Variants in COL24A1 observed in about 807,000 individuals in gnomAD.
COL24A1 encodes the protein collagen type XXIV alpha 1 chain, also known as collagen alpha-1(XXIV) chain.
A neutral mutation model predicts 253.9 loss-of-function variants in COL24A1; 224 were observed. The ratio of observed to expected loss-of-function variants is 0.88; its 90% CI spans 0.79 to 0.99. The LOEUF (loss-of-function observed/expected upper bound fraction) is 0.99, where lower values mean the gene tolerates loss of function less well. COL24A1 is among the 50% of genes least tolerant of loss of function. The pLI is 0.00. For missense variants in COL24A1, 2,131 were observed against 2,068.5 expected, an observed-to-expected ratio of 1.03 and a Z score of -0.59; for synonymous variants, 685 against 673.7, an observed-to-expected ratio of 1.02 and a Z score of -0.26.
intron 19 of COL24A1, among the ~76,000 whole-genome samples, chr1:86,002,930 A>C (rs1446509941): frequency 6.6e-6 from 1 of 152,180 alleles, no homozygotes; most frequent in Non-Finnish European, 1.5e-5. Flanking sequence ...ACCAGGTGAC[A>C]CTGTAGGCTG....
rs145026944 is a variant in COL24A1, at chr1:85,961,113, A to G, written c.2562+136T>C. On this transcript the variant is annotated intron_variant, in intron 24 of 59. Transcript: ENST00000370571. Reference sequence around the variant, plus strand: ...TTTATTTGCCAGCAGAAACATCACAAGTAAGTTTAAATTTGTAGTGGATAA... The same window carrying G: ...TTTATTTGCCAGCAGAAACATCACAGGTAAGTTTAAATTTGTAGTGGATAA... The G allele has an allele frequency of 4.6e-3, 3,141 of 681,392 alleles. 183 individuals are homozygous for G. The Admixed American group carries it at 0.086, about 19-fold the overall frequency. 42.2% of individuals were successfully genotyped at this position (681,392 alleles called of 1,614,324 possible).
chr1:85,795,493 A>G (rs556357001), intron 47 of COL24A1, among the ~76,000 whole-genome samples: 2 of 152,270 alleles, frequency 1.3e-5, no homozygotes, highest in Non-Finnish European at 2.9e-5. Flanking sequence ...AAATAGCTAA[A>G]AATATTATAT....
chr1:85,784,220 T>C (rs41289767), intron 49 of COL24A1, 39 bp downstream of exon 49: 104,444 of 1,610,724 alleles, frequency 0.065, 3,899 homozygotes, highest in Middle Eastern at 0.11. Flanking sequence ...GCCTGCTCTG[T>C]AGAATAAATG....
At chr1:86,097,819 C>T (rs1704125769) in intron 5 of COL24A1, among the ~76,000 whole-genome samples, 1 of 151,896 alleles carries the variant, frequency 6.6e-6, no homozygotes, top group South Asian at 2.1e-4. Flanking sequence ...ACACTGATGA[C>T]TGTAAACTGT....
chr1:85,957,713 C>T (rs1283236385), intron 24 of COL24A1, among the ~76,000 whole-genome samples: 1 of 152,130 alleles, frequency 6.6e-6, no homozygotes, highest in Admixed American at 6.5e-5. Context: ...CAGAAGCATC[C>T]TCATTGGTTA....
At chr1:86,047,186 C>T (rs373852163) in intron 11 of COL24A1, among the ~76,000 whole-genome samples, 5 of 152,162 alleles carry the variant, frequency 3.3e-5, no homozygotes, top group Non-Finnish European at 5.9e-5. Flanking sequence ...TAGATGAACA[C>T]GAAGGTCTTA....
At chr1:85,907,167 A>G (rs1420403672) in intron 28 of COL24A1, 27 bp downstream of exon 28, 1 of 1,592,370 alleles carries the variant, frequency 6.3e-7, no homozygotes, top group East Asian at 2.2e-5. Context: ...GGGGGGGTTA[A>G]TGTACTTTTT....
Position 85,968,633 on chromosome 1 carries a change from A to AT in COL24A1, c.2463+1593dup, listed in dbSNP as rs561383145. ...TATAGTTAAGAACCTGAATTATTAG[A>AT]TTTTTTCTATGATATTTATAAAACC... On this transcript the variant is annotated intron_variant, in intron 22 of 59. Coordinates refer to ENST00000370571, the MANE Select transcript of COL24A1 (RefSeq NM_152890.7). 2.2e-3 allele frequency among the ~76,000 whole-genome samples: 330 copies of AT among 152,210 alleles called. 3 individuals carry two copies. Among genetic ancestry groups the AT allele is most frequent in the African/African-American group, 7.6e-3 (316 of 41,546 alleles).
chr1:85,863,748 G>C (rs1679443868), intron 37 of COL24A1, among the ~76,000 whole-genome samples: 1 of 152,152 alleles, frequency 6.6e-6, no homozygotes, highest in Non-Finnish European at 1.5e-5. Context: ...AAAGTGAACA[G>C]ACACTTCTCA....
intron 7 of COL24A1, among the ~76,000 whole-genome samples, chr1:86,079,015 G>A (rs1702445002): frequency 6.6e-6 from 1 of 152,004 alleles, no homozygotes; most frequent in African/African-American, 2.4e-5. Context: ...TAAGCAAAGA[G>A]AACAAAACTA....
intron 32 of COL24A1, among the ~76,000 whole-genome samples, chr1:85,887,602 T>C (rs1682661773): frequency 6.6e-6 from 1 of 152,162 alleles, no homozygotes; most frequent in African/African-American, 2.4e-5. Context: ...GGAATCGTTG[T>C]GGCTGTGTTT....
rs80157850 is a variant in COL24A1 at position 85,795,933 on chromosome 1, T to A, written c.3952-9472A>T. ...CGTTTTATTTGGTTTACTAAATATA[T>A]CCCTTCCTGCAAAGGATTGGTGTTT... is the stretch of plus-strand genomic sequence containing the variant. On this transcript the variant is annotated intron_variant, in intron 47 of 59. Transcript: ENST00000370571. Among the ~76,000 whole-genome samples, 424 of 152,280 alleles carry A rather than the reference T, an allele frequency of 2.8e-3. 3 individuals are homozygous for A. Among genetic ancestry groups the A allele is most frequent in the African/African-American group, 9.9e-3 (411 of 41,576 alleles).
intron 3 of COL24A1, among the ~76,000 whole-genome samples, chr1:86,120,364 ATGGGGG>A (rs1706619487): frequency 6.6e-6 from 1 of 152,152 alleles, no homozygotes; most frequent in South Asian, 2.1e-4. Flanking sequence ...AACCTACAGA[ATGGGGG>A]AAAATTTTTG....
intron 20 of COL24A1, among the ~76,000 whole-genome samples, chr1:85,976,462 C>T (rs1481538804): frequency 6.6e-6 from 1 of 152,122 alleles, no homozygotes; most frequent in East Asian, 1.9e-4. Flanking sequence ...CCCCCTCCCC[C>T]ACAGGAGTGT....
At chr1:86,075,060 T>C (rs146550870) in intron 7 of COL24A1, among the ~76,000 whole-genome samples, 1 of 149,536 alleles carries the variant, frequency 6.7e-6, no homozygotes, top group Non-Finnish European at 1.5e-5. Context: ...CTGAAGGAGA[T>C]AGAGACACGA....
chr1:85,864,100 C>A (rs764561245), intron 37 of COL24A1, among the ~76,000 whole-genome samples: 2 of 152,070 alleles, frequency 1.3e-5, no homozygotes, highest in African/African-American at 4.8e-5. Flanking sequence ...CACATGCACA[C>A]GTGGGTTTAT....
intron 24 of COL24A1, among the ~76,000 whole-genome samples, chr1:85,955,086 C>A (rs1690303317): frequency 6.6e-6 from 1 of 152,164 alleles, no homozygotes; most frequent in Admixed American, 6.5e-5. Context: ...TCCTGTGCCG[C>A]TATAAGCCGG....
intron 28 of COL24A1, among the ~76,000 whole-genome samples, chr1:85,901,824 C>CAAAAAAAAAAAAAAAAAAAAAAA (rs55862441): frequency 1.7e-5 from 1 of 57,786 alleles, no homozygotes; most frequent in Non-Finnish European, 2.9e-5. Context: ...GACTCCGTCT[C>CAAAAAAAAAAAAAAAAAAAAAAA]AAAAAAAAAA....
chr1:85,865,353 T>G (rs1385108954), intron 37 of COL24A1, among the ~76,000 whole-genome samples: 1 of 152,124 alleles, frequency 6.6e-6, no homozygotes. Flanking sequence ...CATGGTATTT[T>G]TATTGAGTTT....
Sources: allele counts gnomAD v4.1 joint callset (sites outside exome capture counted in the v4.1 genomes callset), GRCh38; gene constraint gnomAD v4.1.1; transcripts MANE v1.5; gene names NCBI Gene and HGNC (gene_info 2026-07-23, HGNC 2026-07-21).